The following PPM1L variants were observed in gnomAD, a reference collection of about 807,000 sequenced individuals.
PPM1L encodes protein phosphatase, Mg2+/Mn2+ dependent 1L.
A neutral mutation model predicts 31.4 loss-of-function variants in PPM1L; 13 were observed. The observed-to-expected ratio is 0.41, with a 90% CI of 0.27 to 0.66. The LOEUF is 0.66. PPM1L is among the 30% of genes least tolerant of loss of function. The probability of loss-of-function intolerance (pLI) is 0.29; values close to 1 mark genes in which losing one functional copy is unlikely to be tolerated. For synonymous variants in PPM1L, 184 were observed against 175.4 expected, an observed-to-expected ratio of 1.05 and a Z score of -0.39; for missense variants, 326 against 453.7, an observed-to-expected ratio of 0.72 and a Z score of 2.56.
intron 1 of PPM1L, among the ~76,000 whole-genome samples, chr3:160,886,672 A>G (rs1712927089): frequency 6.6e-6 from 1 of 152,142 alleles, no homozygotes; most frequent in Non-Finnish European, 1.5e-5. Context: ...TGCATCAACA[A>G]CAACAAAAAG....
intron 1 of PPM1L, among the ~76,000 whole-genome samples, chr3:160,797,482 A>G (rs1164869746): frequency 1.3e-5 from 2 of 152,204 alleles, no homozygotes; most frequent in African/African-American, 2.4e-5. Context: ...GAAGAATCCC[A>G]CGTCTCTCAC....
At chr3:160,786,563 GAATAA>G (rs965800673) in intron 1 of PPM1L, among the ~76,000 whole-genome samples, 3 of 150,276 alleles carry the variant, frequency 2.0e-5, no homozygotes, top group Non-Finnish European at 4.4e-5. Context: ...TCTTCTTATG[GAATAA>G]AAGCCATTTG....
intron 1 of PPM1L, among the ~76,000 whole-genome samples, chr3:160,955,711 T>C (rs142261896): frequency 0.014 from 2,117 of 150,448 alleles, 46 homozygotes; most frequent in African/African-American, 0.048. Context: ...AGTGCAGTGG[T>C]GCAATTTCGG....
intron 1 of PPM1L, among the ~76,000 whole-genome samples, chr3:160,934,798 C>A (rs1014670130): frequency 6.6e-6 from 1 of 151,954 alleles, no homozygotes; most frequent in South Asian, 2.1e-4. Context: ...ACAAAAAGTA[C>A]AAAAATTTGC....
intron 1 of PPM1L, among the ~76,000 whole-genome samples, chr3:160,879,642 C>G (rs1712637690): frequency 6.6e-6 from 1 of 152,066 alleles, no homozygotes; most frequent in Non-Finnish European, 1.5e-5. Flanking sequence ...GGTTAAAAGC[C>G]AGAATAAATT....
chr3:160,963,187 G>A (rs1217773036), intron 2 of PPM1L, among the ~76,000 whole-genome samples: 1 of 151,968 alleles, frequency 6.6e-6, no homozygotes, highest in Non-Finnish European at 1.5e-5. Flanking sequence ...TCTTGCCCCT[G>A]TGACCATTTT....
intron 1 of PPM1L, among the ~76,000 whole-genome samples, chr3:160,865,260 T>C (rs1465247102): frequency 3.3e-5 from 5 of 152,154 alleles, no homozygotes; most frequent in African/African-American, 1.2e-4. Context: ...TCATGAAATA[T>C]GCAAATAAGG....
intron 2 of PPM1L, among the ~76,000 whole-genome samples, chr3:160,995,184 A>G (rs1196862260): frequency 1.3e-5 from 2 of 152,238 alleles, no homozygotes; most frequent in Non-Finnish European, 2.9e-5. Flanking sequence ...GAAGTGGCTT[A>G]GGGAAAAATT....
At chr3:160,854,434 A>ATCACT (rs1711617230) in intron 1 of PPM1L, among the ~76,000 whole-genome samples, 1 of 152,158 alleles carries the variant, frequency 6.6e-6, no homozygotes, top group African/African-American at 2.4e-5. Context: ...GGAACAGTGA[A>ATCACT]GGATAAGGGT....
rs36050523 is a variant in PPM1L at position 160,779,106 on chromosome 3, T to TAA, written c.399+22408_399+22409dup. Among the ~76,000 whole-genome samples, 840 of 145,556 alleles carry TAA rather than the reference T, an allele frequency of 5.8e-3. 10 individuals carry two copies. Among genetic ancestry groups the TAA allele is most frequent in the African/African-American group, 0.017 (673 of 39,488 alleles). ...TTTTTTTTTTTGCTACTTTCTGCTG[T>TAA]AAAAAAAAAACTGTGTAAACGCTGA... On this transcript the variant is annotated intron_variant, in intron 1 of 3. Coordinates refer to ENST00000498165, the MANE Select transcript of PPM1L (RefSeq NM_139245.4).
chr3:160,790,409 T>C (rs1483455647), intron 1 of PPM1L, among the ~76,000 whole-genome samples: 1 of 152,156 alleles, frequency 6.6e-6, no homozygotes, highest in Non-Finnish European at 1.5e-5. Flanking sequence ...TGCAGCACAG[T>C]TTTTGCAAAT....
intron 2 of PPM1L, among the ~76,000 whole-genome samples, chr3:161,006,498 A>G (rs1312756194): frequency 6.6e-6 from 1 of 152,182 alleles, no homozygotes; most frequent in African/African-American, 2.4e-5. Context: ...GGTGAACTAT[A>G]TATTTTTTTA....
rs10936214 is a variant in PPM1L at position 160,934,382 on chromosome 3, G to T, written c.400-27354G>T. Among the ~76,000 whole-genome samples the T allele has an allele frequency of 6.7e-3, 1,015 of 152,126 alleles. 70 individuals are homozygous for T. In the East Asian group the frequency reaches 0.16, roughly 24 times the overall value. On this transcript the variant is annotated intron_variant, in intron 1 of 3. Transcript: ENST00000498165. ...GCTCAGTCTTCTGAGAGAAAGAGGT[G>T]GTGTGATCTGTTGTTTTTTTCTCTT...
chr3:161,077,148 A>T lies in PPM1L; in HGVS notation c.*7991A>T, dbSNP rs1277530348. 2 of 152,210 alleles carry T rather than the reference A, an allele frequency of 1.3e-5. No individual in the cohort carries two copies. Among genetic ancestry groups the T allele is most frequent in the African/African-American group, 4.8e-5 (2 of 41,454 alleles). 9.4% of individuals were successfully genotyped at this position (152,210 alleles called of 1,614,324 possible). The stretch of plus-strand genomic sequence containing the variant: ...TGGGATGAAAATTGTTATCTTCATG[A>T]TTTCTTCCAATGGGCTTAGATTTGT... On this transcript the variant is annotated 3_prime_UTR_variant, in exon 4 of 4. Coordinates refer to ENST00000498165, the MANE Select transcript of PPM1L (RefSeq NM_139245.4).
At chr3:161,017,428 C>T (rs1453945157) in intron 2 of PPM1L, among the ~76,000 whole-genome samples, 2 of 152,110 alleles carry the variant, frequency 1.3e-5, no homozygotes, top group Admixed American at 6.6e-5. Flanking sequence ...GTAGCATTTT[C>T]ATTTCTTCAC....
chr3:160,953,328 A>G (rs1249744584), intron 1 of PPM1L, among the ~76,000 whole-genome samples: 1 of 152,218 alleles, frequency 6.6e-6, no homozygotes, highest in South Asian at 2.1e-4. Flanking sequence ...AATTGGTAAT[A>G]AAATAGATTA....
intron 2 of PPM1L, among the ~76,000 whole-genome samples, chr3:160,964,421 A>G (rs1163791666): frequency 6.6e-6 from 1 of 152,050 alleles, no homozygotes; most frequent in Non-Finnish European, 1.5e-5. Context: ...TATTAAATGG[A>G]AGTGGACCAT....
chr3:161,046,443 A>G (rs1422987537), intron 2 of PPM1L, among the ~76,000 whole-genome samples: 1 of 152,194 alleles, frequency 6.6e-6, no homozygotes, highest in Non-Finnish European at 1.5e-5. Context: ...TGAGGCAATA[A>G]TTAATAGCCT....
intron 1 of PPM1L, among the ~76,000 whole-genome samples, chr3:160,901,239 A>G (rs1320532214): frequency 1.3e-5 from 2 of 152,104 alleles, no homozygotes; most frequent in Admixed American, 6.6e-5. Context: ...GAGACTTAAC[A>G]TGCTCCAAAA....
Sources: gnomAD v4.1 joint callset for allele counts (sites outside exome capture counted in the v4.1 genomes callset) on GRCh38, gnomAD v4.1.1 for gene constraint, MANE v1.5 for transcripts, NCBI Gene and HGNC (gene_info 2026-07-23, HGNC 2026-07-21) for gene names.